The following SH3TC2 variants were observed in gnomAD, a reference collection of about 807,000 sequenced individuals.
The protein encoded by SH3TC2 is SH3 domain and tetratricopeptide repeat-containing protein 2.
Under a neutral mutation model 124.5 loss-of-function variants are expected in SH3TC2, and 87 were observed. That is an observed-to-expected ratio of 0.70 (90% CI 0.59 to 0.84). SH3TC2 has a LOEUF of 0.84. Ranked by LOEUF, SH3TC2 falls within the 40% of genes least tolerant of loss-of-function variation. SH3TC2 has a pLI of 0.00. For synonymous variants in SH3TC2, 634 were observed against 628.5 expected (o/e 1.01, Z -0.13); for missense variants, 1,536 against 1,566.4 (o/e 0.98, Z 0.33).
At position 148,997,293 on chromosome 5, in the gene SH3TC2, A is replaced by C. The variant is rs1753527419; in HGVS notation, c.*7418T>G. On this transcript the variant is annotated 3_prime_UTR_variant, in exon 17 of 17. Transcript: ENST00000515425. ...CTGGAGTCTCTTGCAAGTTTCCCTCATTCACCTCACTCCCAACCTGGAATC... is the reference window on the plus strand; with the variant it reads ...CTGGAGTCTCTTGCAAGTTTCCCTCCTTCACCTCACTCCCAACCTGGAATC... 6.6e-6 allele frequency among the ~76,000 whole-genome samples: 1 copy of C among 152,116 alleles called. No individual in the cohort carries two copies.
intron 7 of SH3TC2, among the ~76,000 whole-genome samples, chr5:149,039,014 A>C (rs933067494): frequency 2.6e-5 from 4 of 152,244 alleles, no homozygotes; most frequent in Non-Finnish European, 5.9e-5. Context: ...CTGCTTATAA[A>C]TATTAAAGAG....
chr5:149,038,340 C>A lies in SH3TC2; in HGVS notation c.956G>T (p.Gly319Val), dbSNP rs753423455. The A allele has an allele frequency of 2.4e-5, 38 of 1,614,024 alleles. No homozygotes were observed. The highest frequency in any genetic ancestry group is 3.0e-5 in the Non-Finnish European group (35 of 1,180,008). ...IGKSTSSGQVGFVPTRNIDPD... is the reference protein window; with the variant it reads ...IGKSTSSGQVVFVPTRNIDPD... ...ATCTATGTTCCTGGTGGGGACAAAG[C>A]CCACTTGTCCTGAACTTGTCGACTT... The change falls in exon 8 of 17, where the codon GGC (glycine) becomes GTC (valine). Residue 319 changes from glycine (G) to valine (V), a missense_variant. Physicochemically the swap from Gly to Val is moderately radical, Grantham distance 109. Coordinates refer to ENST00000515425, the MANE Select transcript of SH3TC2 (RefSeq NM_024577.4).
chr5:149,050,902 C>G (rs1268096826), intron 2 of SH3TC2, among the ~76,000 whole-genome samples: 1 of 152,160 alleles, frequency 6.6e-6, no homozygotes, highest in African/African-American at 2.4e-5. Flanking sequence ...TTGAACAAGG[C>G]CCTTCCTCAT....
Position 149,028,543 on chromosome 5 carries a change from C to T in SH3TC2, c.1189G>A (p.Glu397Lys), listed in dbSNP as rs1406692845. 9 of 1,614,040 alleles carry T rather than the reference C, an allele frequency of 5.6e-6. No individual in the cohort carries two copies. The highest frequency in any genetic ancestry group is 7.6e-6 in the Non-Finnish European group (9 of 1,180,038). Residue 397 changes from glutamate (E) to lysine (K), a missense_variant, in exon 11 of 17, where the codon GAA (glutamate) becomes AAA (lysine). By Grantham distance (56) the Glu-to-Lys change is moderately conservative. Coordinates refer to ENST00000515425, the MANE Select transcript of SH3TC2 (RefSeq NM_024577.4). ...CCAGGCCTGACCTCCTTGAAACCTTCAGGCTGGGATGCTGTAAGGACAGGC... is the reference window on the plus strand; with the variant it reads ...CCAGGCCTGACCTCCTTGAAACCTTTAGGCTGGGATGCTGTAAGGACAGGC... Reference protein sequence around the residue: ...PPNDLSASQPEGFKEVRPGRA... With the variant: ...PPNDLSASQPKGFKEVRPGRA...
rs573125460 is a variant in SH3TC2, at chr5:149,003,677, A to T, written c.*1034T>A. 11 of 371,272 alleles carry T rather than the reference A, an allele frequency of 3.0e-5. No individual in the cohort carries two copies. Among genetic ancestry groups the T allele is most frequent in the South Asian group, 2.0e-4 (10 of 49,944 alleles). 23.0% of individuals were successfully genotyped at this position (371,272 alleles called of 1,614,324 possible). A position where few individuals can be genotyped will look rare whatever the true frequency, so the allele number is the denominator to read the frequency against. On this transcript the variant is annotated 3_prime_UTR_variant, in exon 17 of 17. Coordinates refer to ENST00000515425, the MANE Select transcript of SH3TC2 (RefSeq NM_024577.4). ...TATTAATAGAGATGCTTTGTAAAGC[A>T]GCTGCCCTGAAATCAATAAGATGCC...
intron 5 of SH3TC2, 111 bp downstream of exon 5, chr5:149,042,583 A>AATATTCC: frequency 7.3e-7 from 1 of 1,374,578 alleles, no homozygotes; most frequent in Admixed American, 1.7e-5. Flanking sequence ...TTCATTTGTG[A>AATATTCC]ATATTCCATG....
chr5:148,994,647 G>A lies in SH3TC2; in HGVS notation c.*10064C>T, dbSNP rs904197605. Reference sequence around the variant, plus strand: ...GGTTGGTTGGTTGGTTGGTTGGTTGGTTGGTTGGTTGGTTAATTGGCTGGT... The same window carrying A: ...GGTTGGTTGGTTGGTTGGTTGGTTGATTGGTTGGTTGGTTAATTGGCTGGT... On this transcript the variant is annotated 3_prime_UTR_variant, in exon 17 of 17. Transcript: ENST00000515425. Among the ~76,000 whole-genome samples the A allele has an allele frequency of 2.3e-4, 35 of 149,382 alleles. No homozygotes were observed. Among genetic ancestry groups the A allele is most frequent in the Middle Eastern group, 3.4e-3 (1 of 290 alleles).
chr5:149,030,202 T>C (rs1864950), intron 9 of SH3TC2, among the ~76,000 whole-genome samples: 10,153 of 152,248 alleles, frequency 0.067, 573 homozygotes, highest in Admixed American at 0.18. Flanking sequence ...AGTTACAAAA[T>C]GGTGTCCCCT....
chr5:149,028,855 C>G (rs1332989143), intron 9 of SH3TC2, 137 bp from the exon 10 acceptor site: 1 of 855,970 alleles, frequency 1.2e-6, no homozygotes, highest in South Asian at 1.4e-5. Context: ...AGGAACAGGG[C>G]AGAATTATCC....
chr5:149,018,486 T>G (rs570455956), intron 12 of SH3TC2, among the ~76,000 whole-genome samples: 1 of 152,216 alleles, frequency 6.6e-6, no homozygotes, highest in East Asian at 1.9e-4. Context: ...AAGCACGTCT[T>G]ACATGGCAGA....
In SH3TC2 at chr5:149,004,029, T is replaced by C. The variant is rs943636070; in HGVS notation, c.*682A>G. 6.7e-5 allele frequency: 13 copies of C among 192,658 alleles called. No homozygotes were observed. The highest frequency in any genetic ancestry group is 2.3e-4 in the Admixed American group (4 of 17,386). The allele number at this position is 192,658 out of a possible 1,614,324, so 11.9% of individuals were successfully genotyped here. On this transcript the variant is annotated 3_prime_UTR_variant, in exon 17 of 17. Transcript: ENST00000515425. ...GTCATAATTTTCTTAACATTCAATT[T>C]CCAAGCCTTTGCTCTTGGAAAGCTT...
chr5:149,055,168 T>C (rs1389666740), intron 1 of SH3TC2, among the ~76,000 whole-genome samples: 1 of 152,144 alleles, frequency 6.6e-6, no homozygotes, highest in Non-Finnish European at 1.5e-5. Flanking sequence ...GAATAATGGA[T>C]AAATAGTAAT....
Position 149,027,443 on chromosome 5 carries a change from A to G in SH3TC2, c.2289T>C (p.Leu763=). Residue 763 remains leucine (L), a synonymous_variant, in exon 11 of 17, where the codon CTT becomes CTC. Transcript: ENST00000515425. ...RSTQRALCLI[L]SKVYLEHRSP... ...ACCTGTGCTCGAGGTACACTTTGGA[A>G]AGGATGAGACACAGGGCCCTCTGGG... 6.2e-7 allele frequency: 1 copy of G among 1,614,140 alleles called. No individual in the cohort carries two copies. The highest frequency in any genetic ancestry group is 2.2e-5 in the East Asian group (1 of 44,880).
Position 148,995,791 on chromosome 5 carries a change from A to T in SH3TC2, c.*8920T>A, listed in dbSNP as rs1024515846. Among the ~76,000 whole-genome samples the T allele has an allele frequency of 2.0e-5, 3 of 152,288 alleles. No individual in the cohort carries two copies. Among genetic ancestry groups the T allele is most frequent in the Non-Finnish European group, 4.4e-5 (3 of 68,016 alleles). On this transcript the variant is annotated 3_prime_UTR_variant, in exon 17 of 17. Coordinates refer to ENST00000515425, the MANE Select transcript of SH3TC2 (RefSeq NM_024577.4). ...TGACCCAAATAAGATTCCTGTTTTC[A>T]TGGAACTTCTAATCTAGGTGGTGCA...
intron 7 of SH3TC2, 71 bp downstream of exon 7, chr5:149,040,533 C>A: frequency 7.1e-7 from 1 of 1,405,180 alleles, no homozygotes. Flanking sequence ...TGACTCCAAA[C>A]CTGCAGATAA....
rs1334880704 is a variant in SH3TC2, at chr5:149,027,256, G to A, written c.2476C>T (p.Leu826=). 4 of 1,614,050 alleles carry A rather than the reference G, an allele frequency of 2.5e-6. No homozygotes were observed. The African/African-American group carries it at 5.3e-5, about 22-fold the overall frequency. The change falls in exon 11 of 17, where the codon CTG becomes TTG. Residue 826 remains leucine (L), a synonymous_variant. Transcript: ENST00000515425. ...LDVLEPLLCS[L]KETESLTQRG... ...TGAGTGAGACTCTCTGTCTCCTTCA[G>A]GGAGCATAGCAGTGGCTCAAGCACA...
chr5:149,062,411 G>A lies in SH3TC2; in HGVS notation c.52+560C>T, dbSNP rs573040475. 2.5e-5 allele frequency: 13 copies of A among 530,296 alleles called. No individual in the cohort carries two copies. The East Asian group carries it at 6.6e-4, about 27-fold the overall frequency. The allele number at this position is 530,296 out of a possible 1,614,324, so 32.8% of individuals were successfully genotyped here. A position where few individuals can be genotyped will look rare whatever the true frequency, so the allele number is the denominator to read the frequency against. On this transcript the variant is annotated intron_variant, in intron 1 of 16. Coordinates refer to ENST00000515425, the MANE Select transcript of SH3TC2 (RefSeq NM_024577.4). Reference sequence around the variant, plus strand: ...AAACCATAATGGCTGGTCACCCTAAGTCACTCTCCCATGAGTTGACAATTT... The same window carrying A: ...AAACCATAATGGCTGGTCACCCTAAATCACTCTCCCATGAGTTGACAATTT...
At chr5:149,026,461 C>T (rs1489142760) in intron 12 of SH3TC2, 111 bp downstream of exon 12, 4 of 1,370,710 alleles carry the variant, frequency 2.9e-6, no homozygotes, top group African/African-American at 2.8e-5. Flanking sequence ...CTCTTTTGCA[C>T]AAAGCCCCGC....
In SH3TC2 at chr5:149,062,156, G is replaced by T. The variant is rs1754762990; in HGVS notation, c.52+815C>A. On this transcript the variant is annotated intron_variant, in intron 1 of 16. Transcript: ENST00000515425. ...GACACAGAGTTCTAACAAGGGTTAG[G>T]AATGATTCCTTGGAGCAATGTTCCC... 2.0e-5 allele frequency among the ~76,000 whole-genome samples: 3 copies of T among 152,052 alleles called. No homozygotes were observed. In the South Asian group the frequency reaches 6.2e-4, roughly 32 times the overall value.
Sources: allele counts gnomAD v4.1 joint callset (sites outside exome capture counted in the v4.1 genomes callset), GRCh38; gene constraint gnomAD v4.1.1; transcripts MANE v1.5; gene names NCBI Gene and HGNC (gene_info 2026-07-23, HGNC 2026-07-21).